The following GAS7 variants were observed in gnomAD, a reference collection of about 807,000 sequenced individuals.
GAS7 encodes growth arrest specific 7.
Under a neutral mutation model 71.1 loss-of-function variants are expected in GAS7, and 28 were observed. That is an observed-to-expected ratio of 0.39 (90% CI 0.29 to 0.54). The LOEUF is 0.54. Ranked by LOEUF, GAS7 falls within the 20% of genes least tolerant of loss-of-function variation. GAS7 has a pLI of 0.62. For missense variants in GAS7, 436 were observed against 627.8 expected (o/e 0.69, Z 3.27); for synonymous variants, 258 against 245.8 (o/e 1.05, Z -0.46).
intron 1 of GAS7, among the ~76,000 whole-genome samples, chr17:10,046,826 A>AG (rs2072972836): frequency 7.8e-6 from 1 of 127,654 alleles, no homozygotes. Flanking sequence ...GGAAGGAAGG[A>AG]AGGAAGGAAG....
intron 9 of GAS7, among the ~76,000 whole-genome samples, chr17:9,929,190 C>T (rs1345819763): frequency 6.6e-6 from 1 of 152,170 alleles, no homozygotes; most frequent in African/African-American, 2.4e-5. Context: ...AGCCTGCTGA[C>T]TCAGAAACTC....
At chr17:9,937,737 A>G (rs2068451877) in intron 8 of GAS7, among the ~76,000 whole-genome samples, 1 of 152,228 alleles carries the variant, frequency 6.6e-6, no homozygotes, top group Non-Finnish European at 1.5e-5. Context: ...CTGGTTTAAC[A>G]TCATGGCTCG....
intron 2 of GAS7, among the ~76,000 whole-genome samples, chr17:10,015,159 A>G (rs1985321): frequency 0.021 from 3,038 of 147,026 alleles, 52 homozygotes; most frequent in Middle Eastern, 0.031. Context: ...GTCTCAAAAA[A>G]AAAAGAAAAG....
chr17:9,925,544 A>G lies in GAS7; in HGVS notation c.1070T>C (p.Leu357Pro). The change falls in exon 11 of 14, where the codon CTG (leucine) becomes CCG (proline). Residue 357 changes from leucine to proline, a missense_variant. Leu to Pro is a moderately conservative substitution (Grantham distance 98, BLOSUM62 -3). Coordinates refer to ENST00000432992, the MANE Select transcript of GAS7 (RefSeq NM_201433.2). ...QRDLEMKTQQ[L>P]EIKLSNKTEE... is the part of the protein sequence containing the mutation. Reference sequence around the variant, plus strand: ...TGTCTTGTTGCTCAGCTTGATCTCCAGCTGCTGGGTCTTCATCTCCAGGTC... The same window carrying G: ...TGTCTTGTTGCTCAGCTTGATCTCCGGCTGCTGGGTCTTCATCTCCAGGTC... The G allele has an allele frequency of 6.2e-7, 1 of 1,614,002 alleles. No individual in the cohort carries two copies. Among genetic ancestry groups the G allele is most frequent in the Non-Finnish European group, 8.5e-7 (1 of 1,179,954 alleles).
intron 1 of GAS7, among the ~76,000 whole-genome samples, chr17:10,070,691 G>C (rs2073331698): frequency 6.6e-6 from 1 of 151,848 alleles, no homozygotes; most frequent in African/African-American, 2.4e-5. Context: ...TGTTTTCATG[G>C]GTTCTGCTCA....
At chr17:10,102,859 C>T (rs1012425408) in intron 1 of GAS7, among the ~76,000 whole-genome samples, 4 of 151,846 alleles carry the variant, frequency 2.6e-5, no homozygotes, top group African/African-American at 9.7e-5. Context: ...AGGCACTCAA[C>T]TCTTGCTTAC....
intron 11 of GAS7, among the ~76,000 whole-genome samples, chr17:9,921,937 C>A (rs969061754): frequency 2.9e-5 from 4 of 136,690 alleles, no homozygotes; most frequent in African/African-American, 8.6e-5. Context: ...CCAGCCTGGG[C>A]GACAGAGCAA....
chr17:10,126,384 T>C (rs1361523175), intron 1 of GAS7, among the ~76,000 whole-genome samples: 2 of 94,222 alleles, frequency 2.1e-5, no homozygotes, highest in Non-Finnish European at 5.0e-5. Flanking sequence ...ACCCACACAC[T>C]CACGCACATG....
Position 10,148,779 on chromosome 17 carries a change from G to A in GAS7, c.183+49429C>T, listed in dbSNP as rs192258299. On this transcript the variant is annotated intron_variant, in intron 1 of 13. Coordinates refer to ENST00000432992, the MANE Select transcript of GAS7 (RefSeq NM_201433.2). ...ACAAGAATTAGCTGGGCATGGTGGCGGGTGCCTGCAGTCCCAGCTACTCCG... is the reference window on the plus strand; with the variant it reads ...ACAAGAATTAGCTGGGCATGGTGGCAGGTGCCTGCAGTCCCAGCTACTCCG... Among the ~76,000 whole-genome samples the A allele has an allele frequency of 4.9e-4, 74 of 151,778 alleles. 1 individual carries two copies. The highest frequency in any genetic ancestry group is 1.7e-3 in the African/African-American group (72 of 41,360).
chr17:10,070,553 G>A (rs1488728887), intron 1 of GAS7, among the ~76,000 whole-genome samples: 2 of 151,584 alleles, frequency 1.3e-5, no homozygotes, highest in African/African-American at 4.8e-5. Context: ...TAGTAGAGAC[G>A]GGGTTTCACC....
intron 2 of GAS7, among the ~76,000 whole-genome samples, chr17:10,005,858 C>T (rs2071508095): frequency 6.6e-6 from 1 of 152,128 alleles, no homozygotes; most frequent in Non-Finnish European, 1.5e-5. Flanking sequence ...CCCTAGGAGT[C>T]CAGTAATCAC....
chr17:9,944,710 G>C (rs1164913604), intron 6 of GAS7, among the ~76,000 whole-genome samples: 2 of 152,206 alleles, frequency 1.3e-5, no homozygotes, highest in Non-Finnish European at 2.9e-5. Context: ...ATCCTACGGG[G>C]TCACAGTCGG....
intron 5 of GAS7, among the ~76,000 whole-genome samples, chr17:9,955,724 A>G (rs2069204516): frequency 6.6e-6 from 1 of 152,190 alleles, no homozygotes; most frequent in African/African-American, 2.4e-5. Context: ...AGGGTGCTCA[A>G]GAGGGAGCCA....
At chr17:10,002,857 G>T (rs145812701) in intron 2 of GAS7, among the ~76,000 whole-genome samples, 2 of 152,082 alleles carry the variant, frequency 1.3e-5, no homozygotes, top group African/African-American at 4.8e-5. Context: ...TGTGAATAGC[G>T]CCACAATAAA....
chr17:10,062,804 G>C (rs2073233923), intron 1 of GAS7, among the ~76,000 whole-genome samples: 1 of 152,158 alleles, frequency 6.6e-6, no homozygotes, highest in Non-Finnish European at 1.5e-5. Flanking sequence ...CAGGAGTGCT[G>C]AGCCACCATT....
chr17:10,047,086 G>C (rs992075869), intron 1 of GAS7, among the ~76,000 whole-genome samples: 3 of 152,068 alleles, frequency 2.0e-5, no homozygotes, highest in Non-Finnish European at 4.4e-5. Context: ...TGCTGTCTGA[G>C]AGGACTGCCC....
intron 1 of GAS7, among the ~76,000 whole-genome samples, chr17:10,190,564 A>G (rs896779985): frequency 3.3e-5 from 5 of 150,790 alleles, no homozygotes; most frequent in African/African-American, 1.2e-4. Flanking sequence ...TGAGCGACAG[A>G]GCAAGACTCC....
chr17:9,926,569 G>T lies in GAS7; in HGVS notation c.1014+72C>A, dbSNP rs7216815. On this transcript the variant is annotated intron_variant, in intron 10 of 13. Transcript: ENST00000432992. The surrounding 1 kb of genome is among the most constrained non-coding windows in gnomAD (Gnocchi z 5.0). ...AGCCTTGGCGTATGGAGCCACTGCT[G>T]GCTTCCCAGTCCCCCTTCTTCCAGG... 0.13 allele frequency: 197,872 copies of T among 1,526,210 alleles called. 13,467 individuals carry two copies. The highest frequency in any genetic ancestry group is 0.18 in the Admixed American group (10,908 of 59,378). The allele number at this position is 1,526,210 out of a possible 1,614,324, so 94.5% of individuals were successfully genotyped here. A position where few individuals can be genotyped will look rare whatever the true frequency, so the allele number is the denominator to read the frequency against.
chr17:10,179,153 A>G (rs1041092413), intron 1 of GAS7, among the ~76,000 whole-genome samples: 1 of 152,040 alleles, frequency 6.6e-6, no homozygotes, highest in African/African-American at 2.4e-5. Context: ...AACATGGAGA[A>G]ACTCGGTCTC....
Sources: allele counts gnomAD v4.1 joint callset (sites outside exome capture counted in the v4.1 genomes callset), GRCh38; gene constraint gnomAD v4.1.1; non-coding constraint Gnocchi (gnomAD v3.1); transcripts MANE v1.5; gene names NCBI Gene and HGNC (gene_info 2026-07-23, HGNC 2026-07-21).